EFCAB13: variants seen among roughly 807,000 people sequenced by gnomAD.
EFCAB13 encodes EF-hand calcium-binding domain-containing protein 13.
A neutral mutation model predicts 110.2 loss-of-function variants in EFCAB13; 91 were observed. The ratio of observed to expected loss-of-function variants is 0.83; its 90% confidence interval spans 0.70 to 0.98. The LOEUF (loss-of-function observed/expected upper bound fraction) is 0.98. Among genes scored for constraint, EFCAB13 ranks in the 50% least tolerant of loss-of-function variants. EFCAB13 has a pLI of 0.00. For missense variants in EFCAB13, 968 were observed against 1,119.4 expected (o/e 0.86, Z 1.93); for synonymous variants, 323 against 369.9 (o/e 0.87, Z 1.45).
At chr17:47,430,256 G>C (rs139315452) in intron 24 of EFCAB13, 2 of 1,021,656 alleles carry the variant, frequency 2.0e-6, no homozygotes, top group Non-Finnish European at 2.3e-6. Context: ...GCCATCCATA[G>C]AGTAAAACAG....
intron 3 of EFCAB13, 26 bp from the exon 4 acceptor site, chr17:47,328,243 A>T (rs2065298999): frequency 1.0e-6 from 1 of 953,460 alleles, no homozygotes; most frequent in Non-Finnish European, 1.7e-6. Context: ...CAAGCGTATG[A>T]TTTCTTCTTT....
intron 14 of EFCAB13, among the ~76,000 whole-genome samples, chr17:47,385,766 C>T (rs1380373263): frequency 6.6e-6 from 1 of 152,110 alleles, no homozygotes; most frequent in Non-Finnish European, 1.5e-5. Context: ...GCTGGTTTGT[C>T]CTCATCTTTA....
chr17:47,418,625 GT>G (rs1234148061), intron 23 of EFCAB13, among the ~76,000 whole-genome samples: 1 of 152,088 alleles, frequency 6.6e-6, no homozygotes, highest in African/African-American at 2.4e-5. Context: ...CTTCTTTGAT[GT>G]CATAAAGATA....
At chr17:47,405,028 A>T (rs946224377) in intron 20 of EFCAB13, among the ~76,000 whole-genome samples, 7 of 152,126 alleles carry the variant, frequency 4.6e-5, no homozygotes, top group African/African-American at 1.7e-4. Flanking sequence ...TTTGGTAAAT[A>T]TCCTTTTAGG....
At chr17:47,387,827 T>G (rs2065684965) in intron 14 of EFCAB13, among the ~76,000 whole-genome samples, 1 of 152,250 alleles carries the variant, frequency 6.6e-6, no homozygotes, top group South Asian at 2.1e-4. Context: ...AGAGGATTTT[T>G]GCACTTTGCC....
chr17:47,408,410 G>A (rs113651868), intron 20 of EFCAB13, among the ~76,000 whole-genome samples: 8,676 of 152,142 alleles, frequency 0.057, 795 homozygotes, highest in African/African-American at 0.19. Context: ...TAGCACTTTG[G>A]GAGGCCAAGG....
chr17:47,436,237 T>C (rs931118183), intron 24 of EFCAB13, among the ~76,000 whole-genome samples: 1 of 152,140 alleles, frequency 6.6e-6, no homozygotes, highest in Non-Finnish European at 1.5e-5. Context: ...TAGTTTTCTT[T>C]TTTGGTTATG....
At position 47,335,404 on chromosome 17, in the gene EFCAB13, G is replaced by A. The variant is rs777434872; in HGVS notation, c.191+48G>A. On this transcript the variant is annotated intron_variant, in intron 5 of 24. Transcript: ENST00000331493. The stretch of plus-strand genomic sequence containing the variant: ...ACTTTATTGAATTATACTTTTGCAA[G>A]TTAAGAATGCCAAAATGTAGCTGTG... 3.0e-5 allele frequency: 45 copies of A among 1,488,396 alleles called. 1 individual carries two copies. The South Asian group carries it at 5.1e-4, about 17-fold the overall frequency. The allele number at this position is 1,488,396 out of a possible 1,614,324, so 92.2% of individuals were successfully genotyped here. A position where few individuals can be genotyped will look rare whatever the true frequency, so the allele number is the denominator to read the frequency against.
intron 13 of EFCAB13, 118 bp downstream of exon 13, chr17:47,378,021 C>A: frequency 3.2e-6 from 3 of 926,382 alleles, no homozygotes; most frequent in South Asian, 2.4e-5. Context: ...ATGGGTCATT[C>A]TAAAGAAAAT....
intron 18 of EFCAB13, among the ~76,000 whole-genome samples, chr17:47,403,046 G>C (rs1463053886): frequency 1.3e-5 from 2 of 152,150 alleles, no homozygotes; most frequent in African/African-American, 4.8e-5. Flanking sequence ...AGCTGATACA[G>C]GTTTTCTGGG....
chr17:47,326,518 T>C (rs2065287185), intron 3 of EFCAB13, 131 bp downstream of exon 3: 1 of 152,186 alleles, frequency 6.6e-6, no homozygotes, highest in South Asian at 2.1e-4. Context: ...TTTGATACTG[T>C]GAGAAATAAT....
intron 5 of EFCAB13, among the ~76,000 whole-genome samples, chr17:47,337,207 T>G (rs1272503180): frequency 6.6e-6 from 1 of 152,246 alleles, no homozygotes; most frequent in Non-Finnish European, 1.5e-5. Flanking sequence ...GAGCATCCCT[T>G]TACCTTCTTC....
chr17:47,328,250 C>T lies in EFCAB13; in HGVS notation c.-85-19C>T, dbSNP rs1321211771. 2 of 1,001,812 alleles carry T rather than the reference C, an allele frequency of 2.0e-6. No homozygotes were observed. Among genetic ancestry groups the T allele is most frequent in the Non-Finnish European group, 3.1e-6 (2 of 636,332 alleles). The allele number at this position is 1,001,812 out of a possible 1,614,324, so 62.1% of individuals were successfully genotyped here. A position where few individuals can be genotyped will look rare whatever the true frequency, so the allele number is the denominator to read the frequency against. Reference sequence around the variant, plus strand: ...GTTCTAAACAAGCGTATGATTTCTTCTTTCTCTTTTTTTGGCAGGAAATCC... The same window carrying T: ...GTTCTAAACAAGCGTATGATTTCTTTTTTCTCTTTTTTTGGCAGGAAATCC... On this transcript the variant is annotated intron_variant, in intron 3 of 24. Coordinates refer to ENST00000331493, the MANE Select transcript of EFCAB13 (RefSeq NM_152347.5).
chr17:47,401,971 T>C (rs2065781410), intron 17 of EFCAB13, among the ~76,000 whole-genome samples, 161 bp from the exon 18 acceptor site: 1 of 152,176 alleles, frequency 6.6e-6, no homozygotes, highest in Non-Finnish European at 1.5e-5. Context: ...AGTCTTAATA[T>C]TTATTAATCC....
intron 14 of EFCAB13, among the ~76,000 whole-genome samples, chr17:47,388,788 G>C (rs2065690256): frequency 6.6e-6 from 1 of 151,980 alleles, no homozygotes; most frequent in South Asian, 2.1e-4. Context: ...AAGAATTTTA[G>C]TCTATATGGT....
chr17:47,351,227 GT>G (rs1450064767), intron 9 of EFCAB13, among the ~76,000 whole-genome samples: 2 of 151,238 alleles, frequency 1.3e-5, no homozygotes. Flanking sequence ...TTTCATCCAT[GT>G]TGCTGTAAAA....
chr17:47,362,707 C>G (rs546529676), intron 10 of EFCAB13, among the ~76,000 whole-genome samples: 2 of 152,310 alleles, frequency 1.3e-5, no homozygotes, highest in Admixed American at 1.3e-4. Flanking sequence ...ATAGCAGTAG[C>G]AAATTAGTGA....
chr17:47,403,935 A>G lies in EFCAB13; in HGVS notation c.2075A>G (p.Lys692Arg), dbSNP rs1287628206. The part of the protein sequence containing the change: ...DLLEGDMIAG[K>R]NLEDFLRNVG... ...CTGGAAGGTGACATGATAGCTGGGA[A>G]GAACTTGGAAGACTTTCTAAGAAAT... The change falls in exon 19 of 25, where the codon AAG becomes AGG. Residue 692 changes from lysine (K) to arginine (R), a missense_variant. Lys to Arg is a conservative substitution (Grantham distance 26, BLOSUM62 2). Transcript: ENST00000331493. The G allele has an allele frequency of 5.0e-6, 8 of 1,611,208 alleles. No homozygotes were observed. Among genetic ancestry groups the G allele is most frequent in the Non-Finnish European group, 6.8e-6 (8 of 1,178,370 alleles).
At chr17:47,373,564 T>C (rs1433566431) in intron 11 of EFCAB13, among the ~76,000 whole-genome samples, 1 of 152,136 alleles carries the variant, frequency 6.6e-6, no homozygotes, top group Admixed American at 6.5e-5. Context: ...CCTTAATCAG[T>C]GAGAATCAGA....
Sources: gnomAD v4.1 joint callset for allele counts (sites outside exome capture counted in the v4.1 genomes callset) on GRCh38, gnomAD v4.1.1 for gene constraint, MANE v1.5 for transcripts, NCBI Gene and HGNC (gene_info 2026-07-23, HGNC 2026-07-21) for gene names.